TAFA2: variants seen among roughly 807,000 people sequenced by gnomAD.
The protein encoded by TAFA2 is TAFA chemokine like family member 2.
A neutral mutation model predicts 18.8 loss-of-function variants in TAFA2; 7 were observed. The observed-to-expected ratio is 0.37, with a 90% CI of 0.21 to 0.70. The LOEUF (loss-of-function observed/expected upper bound fraction) is 0.70. TAFA2 is among the 30% of genes least tolerant of loss of function. The probability of loss-of-function intolerance (pLI) is 0.53; values close to 1 mark genes in which losing one functional copy is unlikely to be tolerated. For missense variants in TAFA2, 122 were observed against 158.1 expected, an observed-to-expected ratio of 0.77 and a Z score of 1.23; for synonymous variants, 60 against 54.2, an observed-to-expected ratio of 1.11 and a Z score of -0.47.
intron 1 of TAFA2, among the ~76,000 whole-genome samples, chr12:62,068,797 C>T (rs1183940006): frequency 6.6e-6 from 1 of 152,106 alleles, no homozygotes. Context: ...GAAATAAGAA[C>T]AAACAGACTA....
rs528970491 is a variant in TAFA2 at position 62,166,965 on chromosome 12, A to C, written c.-2+24294T>G. Among the ~76,000 whole-genome samples the C allele has an allele frequency of 2.0e-5, 3 of 152,324 alleles. No individual in the cohort carries two copies. The East Asian group carries it at 5.8e-4, about 29-fold the overall frequency. On this transcript the variant is annotated intron_variant, in intron 1 of 4. Transcript: ENST00000416284. The stretch of plus-strand genomic sequence containing the variant: ...GTATGTCAAAAAGGACTGGCTAAAT[A>C]AACTATGCTACATGCACAAATGAAG...
At chr12:61,718,781 G>T (rs1021687581) in intron 4 of TAFA2, among the ~76,000 whole-genome samples, 9 of 152,074 alleles carry the variant, frequency 5.9e-5, no homozygotes, top group Admixed American at 3.3e-4. Flanking sequence ...AATTTGAATT[G>T]ATAGTTTTTA....
At chr12:61,764,886 A>G (rs913105915) in intron 2 of TAFA2, among the ~76,000 whole-genome samples, 3 of 152,064 alleles carry the variant, frequency 2.0e-5, no homozygotes, top group African/African-American at 4.8e-5. Flanking sequence ...TATAAAGTCA[A>G]TCCGCACCCA....
chr12:62,117,356 T>C (rs543218330), intron 1 of TAFA2, among the ~76,000 whole-genome samples: 60 of 152,288 alleles, frequency 3.9e-4, no homozygotes, highest in African/African-American at 1.4e-3. Flanking sequence ...TTCACAATAG[T>C]TTTAATTTTG....
intron 2 of TAFA2, among the ~76,000 whole-genome samples, chr12:61,857,656 G>A (rs1222714937): frequency 1.3e-5 from 2 of 152,142 alleles, no homozygotes; most frequent in African/African-American, 4.8e-5. Flanking sequence ...GCCTGAACAA[G>A]ACTTTTTCAA....
At chr12:61,783,519 A>G (rs1206063527) in intron 2 of TAFA2, among the ~76,000 whole-genome samples, 2 of 151,628 alleles carry the variant, frequency 1.3e-5, no homozygotes, top group Non-Finnish European at 1.5e-5. Context: ...TACATGTTCA[A>G]TAAGTGTTTA....
At chr12:61,742,037 A>G (rs1592358548) in intron 4 of TAFA2, among the ~76,000 whole-genome samples, 1 of 152,074 alleles carries the variant, frequency 6.6e-6, no homozygotes, top group Middle Eastern at 3.4e-3. Context: ...CGGGACTGCA[A>G]GCATGTGCCA....
At chr12:61,863,983 C>G (rs1274070501) in intron 2 of TAFA2, among the ~76,000 whole-genome samples, 1 of 152,126 alleles carries the variant, frequency 6.6e-6, no homozygotes, top group Non-Finnish European at 1.5e-5. Context: ...GGGCGATTCT[C>G]CAGCTGAGAC....
At chr12:62,123,724 A>AACACAC (rs149989772) in intron 1 of TAFA2, among the ~76,000 whole-genome samples, 1 of 132,028 alleles carries the variant, frequency 7.6e-6, no homozygotes, top group Non-Finnish European at 1.6e-5. Context: ...ACCCTCCCCC[A>AACACAC]ACACACACAC....
intron 2 of TAFA2, among the ~76,000 whole-genome samples, chr12:61,843,879 G>C (rs1013311068): frequency 6.6e-6 from 1 of 152,146 alleles, no homozygotes; most frequent in Non-Finnish European, 1.5e-5. Context: ...CATTGTAAAG[G>C]GGAGTCATGC....
At chr12:61,758,832 C>G (rs935933701) in intron 2 of TAFA2, among the ~76,000 whole-genome samples, 4 of 151,856 alleles carry the variant, frequency 2.6e-5, no homozygotes, top group East Asian at 1.9e-4. Context: ...TTTAGGGAAC[C>G]AGGGATGTGA....
At chr12:62,035,917 T>C (rs1011210567) in intron 1 of TAFA2, among the ~76,000 whole-genome samples, 9 of 151,382 alleles carry the variant, frequency 5.9e-5, no homozygotes, top group Non-Finnish European at 1.2e-4. Flanking sequence ...AATTTTTGTA[T>C]TTTTAGTAGA....
chr12:62,081,061 G>T (rs920448013), intron 1 of TAFA2, among the ~76,000 whole-genome samples: 4 of 152,060 alleles, frequency 2.6e-5, no homozygotes, highest in Non-Finnish European at 5.9e-5. Context: ...CGGGCGTAGT[G>T]GGGGGCGCCT....
intron 2 of TAFA2, among the ~76,000 whole-genome samples, chr12:61,797,385 T>G (rs958388150): frequency 2.6e-5 from 4 of 152,052 alleles, no homozygotes; most frequent in Non-Finnish European, 5.9e-5. Context: ...ATGTAAGCAT[T>G]CTCTAGGGAG....
intron 2 of TAFA2, among the ~76,000 whole-genome samples, chr12:61,837,771 T>C (rs1233348369): frequency 1.3e-5 from 2 of 151,936 alleles, no homozygotes; most frequent in Non-Finnish European, 2.9e-5. Context: ...GGGGAAGAGA[T>C]GGCGAACAAA....
chr12:61,966,779 A>G (rs1478227663), intron 1 of TAFA2, among the ~76,000 whole-genome samples: 1 of 151,936 alleles, frequency 6.6e-6, no homozygotes, highest in African/African-American at 2.4e-5. Flanking sequence ...TTTTGCTCTC[A>G]CTTGCAGCTA....
intron 1 of TAFA2, among the ~76,000 whole-genome samples, chr12:62,144,363 T>C (rs34019668): frequency 0.016 from 2,406 of 152,262 alleles, 28 homozygotes; most frequent in Non-Finnish European, 0.022. Context: ...CATGACTGGA[T>C]ATCGTTCCTG....
At chr12:62,260,024 T>A, upstream of TAFA2, 1 of 227,734 alleles carries the variant, frequency 4.4e-6, no homozygotes, top group Non-Finnish European at 9.0e-6. Context: ...CCCTCAAGCG[T>A]GAGTGAATGC....
At chr12:62,088,244 T>C (rs1050235771) in intron 1 of TAFA2, among the ~76,000 whole-genome samples, 1 of 151,942 alleles carries the variant, frequency 6.6e-6, no homozygotes, top group African/African-American at 2.4e-5. Context: ...CATAGTCACT[T>C]AACAATCTCA....
Sources: gnomAD v4.1 joint callset for allele counts (sites outside exome capture counted in the v4.1 genomes callset) on GRCh38, gnomAD v4.1.1 for gene constraint, MANE v1.5 for transcripts, NCBI Gene and HGNC (gene_info 2026-07-23, HGNC 2026-07-21) for gene names.